ATP2A2: variants seen among roughly 807,000 people sequenced by gnomAD.
ATP2A2 encodes the protein sarcoplasmic/endoplasmic reticulum calcium ATPase 2.
ATP2A2 carries 14 observed loss-of-function variants against 109.3 expected under a neutral mutation model. The ratio of observed to expected loss-of-function variants is 0.13; its 90% CI spans 0.08 to 0.20. The LOEUF is 0.20. Among genes scored for constraint, ATP2A2 ranks in the 10% least tolerant of loss-of-function variants. The pLI is 1.00. For synonymous variants in ATP2A2, 506 were observed against 490.9 expected (o/e 1.03, Z -0.41); for missense variants, 657 against 1,321.6 (o/e 0.50, Z 7.80).
rs1592795691 is a variant in ATP2A2, at chr12:110,291,938, T to C, written c.220-82T>C. 64 of 1,253,146 alleles carry C rather than the reference T, an allele frequency of 5.1e-5. No individual in the cohort carries two copies. In the East Asian group the frequency reaches 1.5e-3, roughly 29 times the overall value. 77.6% of individuals were successfully genotyped at this position (1,253,146 alleles called of 1,614,324 possible). On this transcript the variant is annotated intron_variant, in intron 3 of 19. Transcript: ENST00000539276. ...CTGGGATTACAGGCCTGAGCCACCA[T>C]GCTCGGCCAGTGCTAGCCACTTTTT... is the stretch of plus-strand genomic sequence containing the variant.
At chr12:110,309,565 G>A (rs1247481277) in intron 5 of ATP2A2, among the ~76,000 whole-genome samples, 1 of 152,010 alleles carries the variant, frequency 6.6e-6, no homozygotes, top group Non-Finnish European at 1.5e-5. Flanking sequence ...TAGAACACAA[G>A]AGCCAAATGA....
At chr12:110,290,042 T>C (rs1873097677) in intron 3 of ATP2A2, among the ~76,000 whole-genome samples, 1 of 152,228 alleles carries the variant, frequency 6.6e-6, no homozygotes, top group South Asian at 2.1e-4. Flanking sequence ...CTGTGACCAG[T>C]TACATTTTTG....
chr12:110,308,227 C>T (rs115207322), intron 5 of ATP2A2, among the ~76,000 whole-genome samples: 1,986 of 152,182 alleles, frequency 0.013, 46 homozygotes, highest in African/African-American at 0.045. Flanking sequence ...TATTTCTTGC[C>T]TAATTGCCCT....
In ATP2A2 at chr12:110,296,627, C is replaced by CCTT. The variant is rs747228314; in HGVS notation, c.354_355insTTC (p.Ala118_Leu119insPhe). ...AGAAATGCTGAAAATGCCATCGAAG[C>CCTT]CCTTAAGGAATATGAGCCTGAAATG... On this transcript the variant is annotated inframe_insertion, in exon 5 of 20. Transcript: ENST00000539276. 1 of 1,614,062 alleles carries CCTT rather than the reference C, an allele frequency of 6.2e-7. No homozygotes were observed. Among genetic ancestry groups the CCTT allele is most frequent in the Non-Finnish European group, 8.5e-7 (1 of 1,180,018 alleles).
In ATP2A2 at chr12:110,327,528, G is replaced by A. The variant is rs56277015; in HGVS notation, c.631-25G>A. On this transcript the variant is annotated intron_variant, in intron 7 of 19. Transcript: ENST00000539276. This position sits in a 1 kb window ranked among gnomAD's most constrained non-coding sequence, Gnocchi z 4.4. ...AGTTGGGATGTGGTATTCATCTTGT[G>A]ACCAGTTCTCTACTTCTGTCCTAGG... 2.1e-3 allele frequency: 3,329 copies of A among 1,603,538 alleles called. 6 individuals are homozygous for A. The highest frequency in any genetic ancestry group is 2.2e-3 in the Non-Finnish European group (2,601 of 1,170,520).
chr12:110,320,491 T>C (rs1164527602), intron 5 of ATP2A2, among the ~76,000 whole-genome samples: 1 of 152,208 alleles, frequency 6.6e-6, no homozygotes, highest in Non-Finnish European at 1.5e-5. Flanking sequence ...TTTTGAAATG[T>C]TCGAGGGCAT....
At chr12:110,311,393 G>A (rs552629861) in intron 5 of ATP2A2, among the ~76,000 whole-genome samples, 95 of 152,146 alleles carry the variant, frequency 6.2e-4, no homozygotes, top group Non-Finnish European at 1.1e-3. Context: ...TTCAAGACCA[G>A]CCTGGCCAAG....
At chr12:110,311,923 T>C (rs1332093968) in intron 5 of ATP2A2, among the ~76,000 whole-genome samples, 1 of 151,950 alleles carries the variant, frequency 6.6e-6, no homozygotes, top group East Asian at 1.9e-4. Flanking sequence ...CCATGGCTCA[T>C]GCCAGCACTT....
At chr12:110,337,633 G>C (rs574947513) in intron 11 of ATP2A2, among the ~76,000 whole-genome samples, 9 of 152,332 alleles carry the variant, frequency 5.9e-5, no homozygotes, top group African/African-American at 1.7e-4. Flanking sequence ...TCCTAGGTTA[G>C]ATGCTGATGT....
intron 9 of ATP2A2, 24 bp downstream of exon 9, chr12:110,332,709 A>C: frequency 6.4e-7 from 1 of 1,560,920 alleles, no homozygotes; most frequent in Non-Finnish European, 8.8e-7. Context: ...CTCCTCATTT[A>C]AAGGATCTGG....
At chr12:110,315,056 C>T (rs1011187520) in intron 5 of ATP2A2, among the ~76,000 whole-genome samples, 3 of 151,974 alleles carry the variant, frequency 2.0e-5, no homozygotes, top group Non-Finnish European at 2.9e-5. Flanking sequence ...TTAGTAGAGA[C>T]GGGGTTTCAC....
At chr12:110,315,132 C>T (rs530371246) in intron 5 of ATP2A2, among the ~76,000 whole-genome samples, 1 of 152,180 alleles carries the variant, frequency 6.6e-6, no homozygotes, top group Non-Finnish European at 1.5e-5. Flanking sequence ...TTCCAGAGTG[C>T]TGGGATTACA....
intron 11 of ATP2A2, among the ~76,000 whole-genome samples, chr12:110,338,194 C>G (rs1879022886): frequency 6.6e-6 from 1 of 152,200 alleles, no homozygotes; most frequent in Non-Finnish European, 1.5e-5. Context: ...ATGATCTCTT[C>G]TGGTCTCATT....
intron 4 of ATP2A2, among the ~76,000 whole-genome samples, chr12:110,293,252 T>C (rs1250761337): frequency 6.6e-6 from 1 of 151,870 alleles, no homozygotes; most frequent in Non-Finnish European, 1.5e-5. Flanking sequence ...ATTTTTGTAT[T>C]TTTAGTAGAG....
intron 11 of ATP2A2, 84 bp downstream of exon 11, chr12:110,334,227 T>C: frequency 1.3e-6 from 2 of 1,528,560 alleles, no homozygotes; most frequent in Non-Finnish European, 1.8e-6. Flanking sequence ...CCTACTCTCT[T>C]AGAAAACTAA....
In ATP2A2 at chr12:110,339,262, A is replaced by ACCCAGTAG. The variant is rs761332286; in HGVS notation, c.1420-19_1420-18insCCCAGTAG. 2.9e-5 allele frequency: 46 copies of ACCCAGTAG among 1,613,616 alleles called. No homozygotes were observed. The Admixed American group carries it at 7.7e-4, about 27-fold the overall frequency. ...CAGAAATTGCCACCCAGTAGTATCC[A>ACCCAGTAG]TATTTGTTCCCTTTGTAGGTCATTA... On this transcript the variant is annotated intron_variant, in intron 11 of 19. Transcript: ENST00000539276. This position sits in a 1 kb window ranked among gnomAD's most constrained non-coding sequence, Gnocchi z 4.4.
rs147293819 is a variant in ATP2A2, at chr12:110,291,734, C to T, written c.220-286C>T. ...ACTCACGGCTCACTGCAACCTTTGC[C>T]TCCCCAGGTTCAAGTGATTCTCTTG... On this transcript the variant is annotated intron_variant, in intron 3 of 19. Coordinates refer to ENST00000539276, the MANE Select transcript of ATP2A2 (RefSeq NM_170665.4). 5.6e-3 allele frequency among the ~76,000 whole-genome samples: 840 copies of T among 149,560 alleles called. 5 individuals are homozygous for T. Among genetic ancestry groups the T allele is most frequent in the Non-Finnish European group, 8.6e-3 (579 of 67,684 alleles).
At position 110,339,417 on chromosome 12, in the gene ATP2A2, A is replaced by G; in HGVS notation, c.1542+14A>G. The stretch of plus-strand genomic sequence containing the variant: ...ATGTTTGTGAAGGCAAGTATGGCAG[A>G]TTGCAATTGAGATGTTCTTGCCAGG... On this transcript the variant is annotated intron_variant, in intron 12 of 19. Coordinates refer to ENST00000539276, the MANE Select transcript of ATP2A2 (RefSeq NM_170665.4). This position sits in a 1 kb window ranked among gnomAD's most constrained non-coding sequence, Gnocchi z 4.4. 3.7e-6 allele frequency: 6 copies of G among 1,614,238 alleles called. No homozygotes were observed. Among genetic ancestry groups the G allele is most frequent in the Non-Finnish European group, 5.1e-6 (6 of 1,180,048 alleles).
intron 1 of ATP2A2, 118 bp downstream of exon 1, chr12:110,282,025 AG>A: frequency 2.6e-6 from 2 of 762,616 alleles, no homozygotes; most frequent in Non-Finnish European, 3.9e-6. Flanking sequence ...CTGCGGGCGG[AG>A]GGTCGGGCCA....
Sources: gnomAD v4.1 joint callset for allele counts (sites outside exome capture counted in the v4.1 genomes callset) on GRCh38, gnomAD v4.1.1 for gene constraint, Gnocchi (gnomAD v3.1) non-coding constraint, MANE v1.5 for transcripts, NCBI Gene and HGNC (gene_info 2026-07-23, HGNC 2026-07-21) for gene names.